ELF1: variants seen among roughly 807,000 people sequenced by gnomAD.
ELF1 encodes E74 like ETS transcription factor 1.
ELF1 carries 24 observed loss-of-function variants against 59.9 expected under a neutral mutation model. The observed-to-expected ratio is 0.40, with a 90% CI of 0.29 to 0.56. ELF1 has a LOEUF of 0.56. Among genes scored for constraint, ELF1 ranks in the 20% least tolerant of loss-of-function variants. The pLI is 0.44. For missense variants in ELF1, 627 were observed against 742.2 expected, an observed-to-expected ratio of 0.84 and a Z score of 1.80; for synonymous variants, 248 against 266.2, an observed-to-expected ratio of 0.93 and a Z score of 0.67.
chr13:40,954,633 G>A (rs1257880591), intron 3 of ELF1, among the ~76,000 whole-genome samples: 2 of 152,222 alleles, frequency 1.3e-5, no homozygotes, highest in African/African-American at 4.8e-5. Context: ...TTTTTTTGGT[G>A]GAGGCGGGGT....
intron 1 of ELF1, among the ~76,000 whole-genome samples, chr13:41,030,226 G>T (rs1370300737): frequency 6.6e-6 from 1 of 152,106 alleles, no homozygotes; most frequent in Non-Finnish European, 1.5e-5. Flanking sequence ...AGAAAAAAAG[G>T]CATGTGTGTT....
intron 1 of ELF1, among the ~76,000 whole-genome samples, chr13:41,016,951 T>A (rs1263853627): frequency 0.016 from 764 of 49,208 alleles, 41 homozygotes; most frequent in African/African-American, 0.028. Context: ...AAAAAAAATA[T>A]ATATATATAT....
upstream of ELF1, among the ~76,000 whole-genome samples, chr13:41,023,088 T>C (rs1375121496): frequency 6.6e-6 from 1 of 152,170 alleles, no homozygotes; most frequent in African/African-American, 2.4e-5. Context: ...GCTCATGGAA[T>C]TGTCAACATG....
At chr13:40,951,171 C>T (rs1012413546) in intron 4 of ELF1, among the ~76,000 whole-genome samples, 158 bp downstream of exon 4, 2 of 152,148 alleles carry the variant, frequency 1.3e-5, no homozygotes, top group South Asian at 2.1e-4. Context: ...TTTAACTCTA[C>T]GTTTTTGCAA....
At chr13:41,039,384 G>C (rs1377348932) in intron 1 of ELF1, among the ~76,000 whole-genome samples, 1 of 135,936 alleles carries the variant, frequency 7.4e-6, no homozygotes, top group Non-Finnish European at 1.6e-5. Flanking sequence ...GCTTACACAA[G>C]CAAATACATT....
intron 1 of ELF1, among the ~76,000 whole-genome samples, chr13:41,042,513 G>C (rs1017656492): frequency 6.6e-6 from 1 of 151,988 alleles, no homozygotes; most frequent in Non-Finnish European, 1.5e-5. Flanking sequence ...CTGTGTCCGA[G>C]TGTTCTCATT....
At chr13:41,022,321 T>C (rs144426160), upstream of ELF1, among the ~76,000 whole-genome samples, 560 of 152,262 alleles carry the variant, frequency 3.7e-3, 8 homozygotes, top group African/African-American at 0.011. Flanking sequence ...TCCATGACTC[T>C]GTATGATTCC....
intron 1 of ELF1, among the ~76,000 whole-genome samples, chr13:41,002,728 A>G (rs908299254): frequency 1.4e-4 from 21 of 152,112 alleles, no homozygotes; most frequent in South Asian, 4.1e-4. Context: ...TAGGAAAGCA[A>G]CAAGTAGCTA....
At chr13:41,046,312 T>C (rs188155989) in intron 1 of ELF1, among the ~76,000 whole-genome samples, 130 of 152,334 alleles carry the variant, frequency 8.5e-4, no homozygotes, top group African/African-American at 3.0e-3. Context: ...TATGTGTGAA[T>C]TTGATCCTGT....
intron 2 of ELF1, among the ~76,000 whole-genome samples, chr13:40,965,036 A>G (rs1320950563): frequency 1.3e-5 from 2 of 152,240 alleles, no homozygotes; most frequent in Non-Finnish European, 2.9e-5. Context: ...AACCAATAAT[A>G]GGACTTAATT....
chr13:41,036,896 T>C (rs964271562), intron 1 of ELF1, among the ~76,000 whole-genome samples: 15 of 151,696 alleles, frequency 9.9e-5, no homozygotes, highest in Admixed American at 2.6e-4. Flanking sequence ...TAGGTGGGAA[T>C]TGAACAATGA....
upstream of ELF1, among the ~76,000 whole-genome samples, chr13:41,022,477 TGGTAC>T (rs1282040830): frequency 1.3e-5 from 2 of 152,236 alleles, no homozygotes; most frequent in Non-Finnish European, 2.9e-5. Context: ...ATCTTGACTG[TGGTAC>T]CGGTATATGA....
intron 5 of ELF1, among the ~76,000 whole-genome samples, chr13:40,945,991 G>T (rs1052223219): frequency 4.6e-5 from 7 of 151,946 alleles, no homozygotes; most frequent in Non-Finnish European, 8.8e-5. Flanking sequence ...TTACAGGCAC[G>T]TACCACCATG....
intron 1 of ELF1, among the ~76,000 whole-genome samples, chr13:40,996,338 T>C (rs1874125997): frequency 6.6e-6 from 1 of 152,206 alleles, no homozygotes; most frequent in African/African-American, 2.4e-5. Context: ...AAAACTTATG[T>C]CCACACAAAA....
chr13:40,990,776 C>T (rs1366324664), intron 1 of ELF1, among the ~76,000 whole-genome samples: 2 of 141,136 alleles, frequency 1.4e-5, no homozygotes, highest in African/African-American at 5.3e-5. Context: ...TGCTTGAACC[C>T]GGGAGACGGA....
chr13:40,982,289 A>C lies in ELF1; in HGVS notation c.-228-7T>G, dbSNP rs1433656391. Reference sequence around the variant, plus strand: ...TTCTCTCAAGCTTCTTGGCCTAAAAAACAAAAGCTCAGATTAGTTATGAAA... The same window carrying C: ...TTCTCTCAAGCTTCTTGGCCTAAAACACAAAAGCTCAGATTAGTTATGAAA... On this transcript the variant is annotated splice_polypyrimidine_tract_variant and splice_region_variant and intron_variant, in intron 1 of 8. Transcript: ENST00000239882. The C allele has an allele frequency of 8.0e-7, 1 of 1,249,946 alleles. No homozygotes were observed. The highest frequency in any genetic ancestry group is 1.0e-6 in the Non-Finnish European group (1 of 995,578). 77.4% of individuals were successfully genotyped at this position (1,249,946 alleles called of 1,614,324 possible).
upstream of ELF1, among the ~76,000 whole-genome samples, chr13:41,023,731 G>C (rs534894800): frequency 1.3e-5 from 2 of 152,126 alleles, no homozygotes; most frequent in South Asian, 4.1e-4. Context: ...GGCCTCTTAG[G>C]CAACAGTCTA....
At chr13:41,009,274 C>A (rs1202424188) in intron 1 of ELF1, among the ~76,000 whole-genome samples, 3 of 151,192 alleles carry the variant, frequency 2.0e-5, no homozygotes, top group Non-Finnish European at 4.4e-5. Context: ...ATGCAAAGAT[C>A]ATAAAGCTTG....
chr13:41,001,949 G>A (rs890835090), intron 1 of ELF1, among the ~76,000 whole-genome samples: 15 of 152,070 alleles, frequency 9.9e-5, no homozygotes, highest in Admixed American at 9.2e-4. Flanking sequence ...TGTCTCTCTC[G>A]TTCAATATCT....
Sources: allele counts gnomAD v4.1 joint callset (sites outside exome capture counted in the v4.1 genomes callset), GRCh38; gene constraint gnomAD v4.1.1; transcripts MANE v1.5; gene names NCBI Gene and HGNC (gene_info 2026-07-23, HGNC 2026-07-21).